Variants in CTNNBIP1 observed in about 807,000 individuals in gnomAD.
The protein encoded by CTNNBIP1 is beta-catenin-interacting protein 1.
Under a neutral mutation model 11.8 loss-of-function variants are expected in CTNNBIP1, and 7 were observed. That is an observed-to-expected ratio of 0.60 (90% confidence interval 0.34 to 1.12). CTNNBIP1 has a LOEUF of 1.12. Among genes scored for constraint, CTNNBIP1 ranks in the 50% most tolerant of loss-of-function variants. The probability of loss-of-function intolerance (pLI) is 0.03; values close to 1 mark genes in which losing one functional copy is unlikely to be tolerated. For synonymous variants in CTNNBIP1, 58 were observed against 43.9 expected (o/e 1.32, Z -1.26); for missense variants, 101 against 113.4 (o/e 0.89, Z 0.50).
chr1:9,881,944 A>G (rs1447166620), intron 2 of CTNNBIP1, among the ~76,000 whole-genome samples: 8 of 152,212 alleles, frequency 5.3e-5, no homozygotes, highest in Admixed American at 4.6e-4. Context: ...AGAAAACCAC[A>G]CAAATAATAC....
At chr1:9,909,876 C>T (rs1025037548) in intron 1 of CTNNBIP1, among the ~76,000 whole-genome samples, 2 of 151,900 alleles carry the variant, frequency 1.3e-5, no homozygotes, top group African/African-American at 2.4e-5. Context: ...AGGCGACCCC[C>T]GGGCGAAGAG....
chr1:9,882,685 G>A (rs1639108773), intron 2 of CTNNBIP1, among the ~76,000 whole-genome samples: 1 of 152,176 alleles, frequency 6.6e-6, no homozygotes, highest in Admixed American at 6.5e-5. Context: ...CAGCCAGGCA[G>A]GGGCTTGGTT....
At chr1:9,861,450 A>AG (rs566672080) in intron 5 of CTNNBIP1, among the ~76,000 whole-genome samples, 26 of 152,184 alleles carry the variant, frequency 1.7e-4, no homozygotes, top group Non-Finnish European at 2.5e-4. Flanking sequence ...CAGAGTCCCC[A>AG]GGGGATGGCT....
In CTNNBIP1 at chr1:9,900,778, T is replaced by C. The variant is rs116303120; in HGVS notation, c.-144+9317A>G. Among the ~76,000 whole-genome samples the C allele has an allele frequency of 2.2e-3, 340 of 152,220 alleles. 4 individuals are homozygous for C. The highest frequency in any genetic ancestry group is 7.8e-3 in the African/African-American group (325 of 41,526). ...AAGCCCCACCATGTCTTCCAAAAAA[T>C]CACCAGCACCTCATCTTCCTGCAAC... On this transcript the variant is annotated intron_variant, in intron 1 of 5. Coordinates refer to ENST00000377263, the MANE Select transcript of CTNNBIP1 (RefSeq NM_020248.3).
At chr1:9,907,909 T>G (rs754236758) in intron 1 of CTNNBIP1, among the ~76,000 whole-genome samples, 17 of 152,220 alleles carry the variant, frequency 1.1e-4, no homozygotes, top group Non-Finnish European at 2.1e-4. Context: ...GAATCCAGTC[T>G]CTACACAGTG....
At chr1:9,905,067 A>C (rs1402759613) in intron 1 of CTNNBIP1, among the ~76,000 whole-genome samples, 2 of 152,170 alleles carry the variant, frequency 1.3e-5, no homozygotes, top group Non-Finnish European at 2.9e-5. Flanking sequence ...AGGAGAGCCT[A>C]TTCCAGCCGC....
chr1:9,892,418 T>C (rs57668597), intron 1 of CTNNBIP1, among the ~76,000 whole-genome samples: 1,344 of 133,380 alleles, frequency 0.01, 61 homozygotes, highest in Admixed American at 0.075. Context: ...CGAGACTCCG[T>C]CTAAAAAAAA....
intron 1 of CTNNBIP1, among the ~76,000 whole-genome samples, chr1:9,896,712 T>C (rs1040354241): frequency 1.2e-4 from 18 of 151,944 alleles, no homozygotes; most frequent in Non-Finnish European, 1.5e-5. Flanking sequence ...CTCACGCCTT[T>C]AATCCCAGCA....
chr1:9,852,233 G>C (rs906371373), intron 5 of CTNNBIP1, among the ~76,000 whole-genome samples: 32 of 152,188 alleles, frequency 2.1e-4, no homozygotes, highest in Admixed American at 2.0e-3. Context: ...CCAAGAGAGG[G>C]AGGACGCACC....
chr1:9,883,037 G>A lies in CTNNBIP1; in HGVS notation c.-110+668C>T, dbSNP rs1005369384. On this transcript the variant is annotated intron_variant, in intron 2 of 5. Transcript: ENST00000377263. The surrounding 1 kb of genome is among the most constrained non-coding windows in gnomAD (Gnocchi z 5.6). ...ACGTGCAAGCACGGGTGGGGCAGCC[G>A]CAGGGCAGGGGGCTCCTTCTGTGGG... is the stretch of plus-strand genomic sequence containing the variant. Among the ~76,000 whole-genome samples the A allele has an allele frequency of 2.6e-5, 4 of 152,210 alleles. No homozygotes were observed. Among genetic ancestry groups the A allele is most frequent in the Non-Finnish European group, 5.9e-5 (4 of 68,034 alleles).
In CTNNBIP1 at chr1:9,902,988, A is replaced by G. The variant is rs541917893; in HGVS notation, c.-144+7107T>C. Among the ~76,000 whole-genome samples, 49 of 152,094 alleles carry G rather than the reference A, an allele frequency of 3.2e-4. No individual in the cohort carries two copies. In the East Asian group the frequency reaches 8.7e-3, roughly 27 times the overall value. On this transcript the variant is annotated intron_variant, in intron 1 of 5. Coordinates refer to ENST00000377263, the MANE Select transcript of CTNNBIP1 (RefSeq NM_020248.3). ...CACCATGTTAGCCAAGATGGTCTCA[A>G]TCTCCTGACCTCGTGATCCGCCTGC...
chr1:9,896,467 G>C (rs183550188), intron 1 of CTNNBIP1, among the ~76,000 whole-genome samples: 3 of 152,224 alleles, frequency 2.0e-5, no homozygotes, highest in Non-Finnish European at 2.9e-5. Flanking sequence ...GAGACACAAA[G>C]GCAGGCAGAT....
intron 1 of CTNNBIP1, among the ~76,000 whole-genome samples, chr1:9,888,093 GAA>G (rs1639221892): frequency 6.6e-6 from 1 of 151,696 alleles, no homozygotes; most frequent in African/African-American, 2.4e-5. Flanking sequence ...CAAAGTGCTG[GAA>G]TTACAGGCAT....
At chr1:9,852,726 C>T (rs1019222587) in intron 5 of CTNNBIP1, among the ~76,000 whole-genome samples, 1 of 152,216 alleles carries the variant, frequency 6.6e-6, no homozygotes, top group African/African-American at 2.4e-5. Flanking sequence ...GGGGAGTTGT[C>T]AGCAGAAGAT....
At chr1:9,900,141 C>G (rs143503793) in intron 1 of CTNNBIP1, among the ~76,000 whole-genome samples, 1 of 151,736 alleles carries the variant, frequency 6.6e-6, no homozygotes, top group Non-Finnish European at 1.5e-5. Flanking sequence ...CTGTGGCTCA[C>G]GCTTGTAATC....
At position 9,871,337 on chromosome 1, in the gene CTNNBIP1, G is replaced by A; in HGVS notation, c.97-60C>T. The A allele has an allele frequency of 7.7e-7, 1 of 1,296,014 alleles. No homozygotes were observed. Among genetic ancestry groups the A allele is most frequent in the Non-Finnish European group, 1.1e-6 (1 of 920,722 alleles). The allele number at this position is 1,296,014 out of a possible 1,614,324, so 80.3% of individuals were successfully genotyped here. On this transcript the variant is annotated intron_variant, in intron 4 of 5. Coordinates refer to ENST00000377263, the MANE Select transcript of CTNNBIP1 (RefSeq NM_020248.3). The surrounding 1 kb of genome is among the most constrained non-coding windows in gnomAD (Gnocchi z 5.2). Reference sequence around the variant, plus strand: ...TGCACCTGTTCCCTGAAAGGCACCTGCACCCCTAGAGGCACCGCCTAGGCC... The same window carrying A: ...TGCACCTGTTCCCTGAAAGGCACCTACACCCCTAGAGGCACCGCCTAGGCC...
intron 3 of CTNNBIP1, among the ~76,000 whole-genome samples, chr1:9,875,272 C>T (rs897227304): frequency 2.0e-5 from 3 of 152,192 alleles, no homozygotes; most frequent in African/African-American, 7.2e-5. Context: ...CCACCCCTGC[C>T]CAGGGAAGGA....
chr1:9,857,839 A>G lies in CTNNBIP1; in HGVS notation c.188-7063T>C, dbSNP rs75126938. ...ACAACAACAACAAAAATCCAAAACT[A>G]TGATAAACCATTTCACATCTACTAG... is the stretch of plus-strand genomic sequence containing the variant. On this transcript the variant is annotated intron_variant, in intron 5 of 5. Transcript: ENST00000377263. 0.012 allele frequency among the ~76,000 whole-genome samples: 1,761 copies of G among 152,296 alleles called. 138 individuals are homozygous for G. The East Asian group carries it at 0.22, about 19-fold the overall frequency.
In CTNNBIP1 at chr1:9,872,983, G is replaced by A. The variant is rs774043002; in HGVS notation, c.-24-895C>T. The stretch of plus-strand genomic sequence containing the variant: ...CAAGGAACTGCGCTCGGAGAACCAC[G>A]GAACCAAGCTGGCAGGCCAAGAACA... On this transcript the variant is annotated intron_variant, in intron 3 of 5. Transcript: ENST00000377263. The surrounding 1 kb of genome is among the most constrained non-coding windows in gnomAD (Gnocchi z 4.0). 9.9e-5 allele frequency among the ~76,000 whole-genome samples: 15 copies of A among 152,048 alleles called. No individual in the cohort carries two copies. The highest frequency in any genetic ancestry group is 2.9e-4 in the African/African-American group (12 of 41,370).
Sources: gnomAD v4.1 joint callset for allele counts (sites outside exome capture counted in the v4.1 genomes callset) on GRCh38, gnomAD v4.1.1 for gene constraint, Gnocchi (gnomAD v3.1) non-coding constraint, MANE v1.5 for transcripts, NCBI Gene and HGNC (gene_info 2026-07-23, HGNC 2026-07-21) for gene names.